SYNE1: variants seen among roughly 807,000 people sequenced by gnomAD.
SYNE1 encodes nesprin-1.
In SYNE1, 616 loss-of-function variants were observed where a neutral mutation model predicts 1,111.0. That is an observed-to-expected ratio of 0.55 (90% confidence interval 0.52 to 0.59). The LOEUF is 0.59. SYNE1 is among the 20% of genes least tolerant of loss of function. SYNE1 has a pLI of 0.00. For synonymous variants in SYNE1, 3,855 were observed against 3,825.8 expected, an observed-to-expected ratio of 1.01 and a Z score of -0.28; for missense variants, 10,006 against 10,417.0, an observed-to-expected ratio of 0.96 and a Z score of 1.72.
At chr6:152,371,167 C>T (rs563022788) in intron 59 of SYNE1, among the ~76,000 whole-genome samples, 1 of 152,194 alleles carries the variant, frequency 6.6e-6, no homozygotes, top group South Asian at 2.1e-4. Flanking sequence ...GGCTGTGTCC[C>T]CCCCCAAATC....
At chr6:152,620,899 A>G (rs192771738) in intron 3 of SYNE1, among the ~76,000 whole-genome samples, 17 of 152,330 alleles carry the variant, frequency 1.1e-4, no homozygotes, top group Non-Finnish European at 2.4e-4. Flanking sequence ...AAGTTTTTAT[A>G]TTCTGGGTGA....
rs1454791792 is a variant in SYNE1 at position 152,148,741 on chromosome 6, T to C, written c.24643-363A>G. ...TCCTACATAAGCCTCAGTTTCATTG[T>C]TGGTAAAATGGGAATAACATTAAAA... On this transcript the variant is annotated intron_variant, in intron 136 of 145. Transcript: ENST00000367255. The surrounding 1 kb of genome is among the most constrained non-coding windows in gnomAD (Gnocchi z 4.1). Among the ~76,000 whole-genome samples, 1 of 151,902 alleles carries C rather than the reference T, an allele frequency of 6.6e-6. No individual in the cohort carries two copies. Among genetic ancestry groups the C allele is most frequent in the Non-Finnish European group, 1.5e-5 (1 of 67,988 alleles).
At chr6:152,153,797 A>C (rs1222729014) in intron 133 of SYNE1, among the ~76,000 whole-genome samples, 1 of 152,228 alleles carries the variant, frequency 6.6e-6, no homozygotes, top group Non-Finnish European at 1.5e-5. Context: ...TTCATTCACC[A>C]TTCAGACATC....
At chr6:152,286,498 G>C (rs756494951) in intron 95 of SYNE1, among the ~76,000 whole-genome samples, 4 of 152,178 alleles carry the variant, frequency 2.6e-5, no homozygotes, top group African/African-American at 4.8e-5. Context: ...ACTGTCGCCT[G>C]GTTGTGAATT....
chr6:152,301,785 A>T, intron 92 of SYNE1, 84 bp downstream of exon 92: 1 of 1,427,114 alleles, frequency 7.0e-7, no homozygotes, highest in Non-Finnish European at 9.4e-7. Flanking sequence ...CTGGTCCCTG[A>T]AATCAGCCAC....
At chr6:152,535,020 A>AC (rs1478029806) in intron 4 of SYNE1, among the ~76,000 whole-genome samples, 6 of 152,214 alleles carry the variant, frequency 3.9e-5, no homozygotes, top group African/African-American at 1.2e-4. Flanking sequence ...TGAAATCTTA[A>AC]CCCCCCAAAA....
intron 102 of SYNE1, among the ~76,000 whole-genome samples, chr6:152,256,378 C>A (rs181289804): frequency 6.6e-6 from 1 of 151,588 alleles, no homozygotes; most frequent in African/African-American, 2.4e-5. Flanking sequence ...TGCAATGAGC[C>A]GAGATTGCAC....
intron 8 of SYNE1, among the ~76,000 whole-genome samples, chr6:152,509,928 T>TCA (rs2099076459): frequency 2.0e-5 from 3 of 152,322 alleles, no homozygotes; most frequent in African/African-American, 7.2e-5. Flanking sequence ...TCCCTCATGC[T>TCA]ACTCAAAGTT....
At chr6:152,581,585 C>T (rs1402984261) in intron 3 of SYNE1, among the ~76,000 whole-genome samples, 2 of 152,176 alleles carry the variant, frequency 1.3e-5, no homozygotes, top group Non-Finnish European at 2.9e-5. Context: ...GCTACACCAA[C>T]GTCTCATCCG....
At chr6:152,358,623 G>T in intron 65 of SYNE1, 86 bp from the exon 66 acceptor site, 1 of 1,353,950 alleles carries the variant, frequency 7.4e-7, no homozygotes, top group Non-Finnish European at 1.0e-6. Context: ...TGTAATTTTA[G>T]AAAAGTATAA....
intron 109 of SYNE1, 148 bp downstream of exon 109, chr6:152,236,669 A>C: frequency 9.3e-7 from 1 of 1,080,612 alleles, no homozygotes; most frequent in Non-Finnish European, 1.4e-6. Flanking sequence ...GTCCAACTAT[A>C]AATAACAGAA....
At chr6:152,500,716 G>A (rs960672821) in intron 10 of SYNE1, among the ~76,000 whole-genome samples, 4 of 152,104 alleles carry the variant, frequency 2.6e-5, no homozygotes, top group South Asian at 4.2e-4. Flanking sequence ...TTGGGAGGCC[G>A]AGGTGAGAGG....
intron 39 of SYNE1, among the ~76,000 whole-genome samples, chr6:152,424,895 A>T (rs1474686407): frequency 6.6e-6 from 1 of 152,262 alleles, no homozygotes; most frequent in African/African-American, 2.4e-5. Flanking sequence ...TTGGAAAGGT[A>T]TAGATGCCAA....
At chr6:152,636,003 C>G (rs1459290098) in intron 2 of SYNE1, among the ~76,000 whole-genome samples, 2 of 152,226 alleles carry the variant, frequency 1.3e-5, no homozygotes, top group Admixed American at 1.3e-4. Flanking sequence ...ATGCACCTGG[C>G]CGCCTGTGCA....
chr6:152,623,761 G>C (rs1318574700), intron 3 of SYNE1, among the ~76,000 whole-genome samples: 8 of 152,022 alleles, frequency 5.3e-5, no homozygotes, highest in Non-Finnish European at 8.8e-5. Flanking sequence ...ACAATAATTA[G>C]TATAAAAATT....
At chr6:152,123,920 G>A (rs1396123915) in intron 145 of SYNE1, among the ~76,000 whole-genome samples, 6 of 152,124 alleles carry the variant, frequency 3.9e-5, no homozygotes, top group Admixed American at 2.6e-4. Context: ...CCCTAATATC[G>A]GTGGGGGATG....
intron 130 of SYNE1, among the ~76,000 whole-genome samples, chr6:152,171,303 G>A (rs766282789): frequency 1.3e-5 from 2 of 152,208 alleles, no homozygotes; most frequent in Admixed American, 6.5e-5. Flanking sequence ...CGAAGCCAAT[G>A]CTTTGCTTTG....
Position 152,352,368 on chromosome 6 carries a change from G to T in SYNE1, c.11254-15C>A. 1.2e-6 allele frequency: 2 copies of T among 1,612,550 alleles called. No individual in the cohort carries two copies. Among genetic ancestry groups the T allele is most frequent in the South Asian group, 2.2e-5 (2 of 90,992 alleles). ...TTGAGCAAAACCTGAAAAAGAGAGT[G>T]AGTAGGAGCAAAGGTAGTCTTGTTT... On this transcript the variant is annotated splice_polypyrimidine_tract_variant and intron_variant, in intron 69 of 145. Transcript: ENST00000367255.
chr6:152,133,522 C>T lies in SYNE1; in HGVS notation c.25789-34G>A, dbSNP rs1383969316. On this transcript the variant is annotated intron_variant, in intron 142 of 145. Coordinates refer to ENST00000367255, the MANE Select transcript of SYNE1 (RefSeq NM_182961.4). ...ACAAAAACAAATTAATTTTTCTAAG[C>T]ATTTTTGATAATTGGCAAAAGCTCC... 1.9e-6 allele frequency: 3 copies of T among 1,604,930 alleles called. No individual in the cohort carries two copies. The African/African-American group carries it at 4.0e-5, about 21-fold the overall frequency.
Sources: gnomAD v4.1 joint callset for allele counts (sites outside exome capture counted in the v4.1 genomes callset) on GRCh38, gnomAD v4.1.1 for gene constraint, Gnocchi (gnomAD v3.1) non-coding constraint, MANE v1.5 for transcripts, NCBI Gene and HGNC (gene_info 2026-07-23, HGNC 2026-07-21) for gene names.